The following TRPM5 variants were observed in gnomAD, a reference collection of about 807,000 sequenced individuals.
TRPM5 encodes the protein MLSN1 and TRP-related.
TRPM5 carries 121 observed loss-of-function variants against 124.9 expected under a neutral mutation model. The observed-to-expected ratio is 0.97, with a 90% CI of 0.84 to 1.13. The LOEUF is 1.13. Ranked by LOEUF, TRPM5 falls within the 50% of genes most tolerant of loss-of-function variation. The pLI is 0.00. For missense variants in TRPM5, 1,643 were observed against 1,589.1 expected (o/e 1.03, Z -0.58); for synonymous variants, 781 against 700.5 (o/e 1.11, Z -1.81).
the TRPM5 span, among the ~76,000 whole-genome samples, chr11:2,441,539 G>A: frequency 6.6e-6 from 1 of 152,026 alleles, no homozygotes; most frequent in African/African-American, 2.4e-5. This position sits in a 1 kb window ranked among gnomAD's most constrained non-coding sequence, Gnocchi z 7.2. Flanking sequence ...AGCTTGCAGG[G>A]AGCTTGAAGA....
In TRPM5 at chr11:2,417,738, G is replaced by A. The variant is rs777096016; in HGVS notation, c.998C>T (p.Ala333Val). 41 of 905,710 alleles carry A rather than the reference G, an allele frequency of 4.5e-5. No individual in the cohort carries two copies. The highest frequency in any genetic ancestry group is 1.2e-4 in the African/African-American group (7 of 57,450). 56.1% of individuals were successfully genotyped at this position (905,710 alleles called of 1,614,324 possible). Reference sequence around the variant, plus strand: ...CTGCCCGCCCTCACCTTTCACCAGCGCCTTCAGGATGACCGTGTCCAGCTC... The same window carrying A: ...CTGCCCGCCCTCACCTTTCACCAGCACCTTCAGGATGACCGTGTCCAGCTC... Residue 333 changes from alanine to valine, a missense_variant, in exon 7 of 24, where the codon GCG becomes GTG. Coordinates refer to ENST00000155858, the Ensembl canonical transcript of TRPM5.
intron 11 of TRPM5, 141 bp from the exon 17 acceptor site, chr11:2,414,347 G>A: frequency 8.2e-7 from 1 of 1,223,100 alleles, no homozygotes; most frequent in Non-Finnish European, 1.1e-6. Flanking sequence ...CAGGCCTTCT[G>A]CCCCCTCCGG....
chr11:2,404,691 T>C lies in TRPM5; in HGVS notation c.*246A>G, dbSNP rs914059839. ...TAGGGATGCGGTGGGGCACGTTTTC[T>C]GCCCGGGGAGTTGTGCCTGTCAGGG... On this transcript the variant is annotated 3_prime_UTR_variant, in exon 24 of 24. Coordinates refer to ENST00000155858, the Ensembl canonical transcript of TRPM5. 4 of 526,966 alleles carry C rather than the reference T, an allele frequency of 7.6e-6. No homozygotes were observed. The African/African-American group carries it at 7.7e-5, about 10-fold the overall frequency. The allele number at this position is 526,966 out of a possible 1,614,324, so 32.6% of individuals were successfully genotyped here.
chr11:2,414,880 C>G (rs756497343), intron 10 of TRPM5, 27 bp downstream of exon 15: 4 of 1,594,618 alleles, frequency 2.5e-6, no homozygotes, highest in Non-Finnish European at 3.4e-6. Flanking sequence ...CCCCTGCCCC[C>G]GCGCTGGGCC....
At chr11:2,422,827 G>T in intron 1 of TRPM5, 93 bp downstream of exon 6, 1 of 1,093,874 alleles carries the variant, frequency 9.1e-7, no homozygotes, top group Non-Finnish European at 1.4e-6. Context: ...GGGGTGAGGA[G>T]GACCCTGGCA....
chr11:2,409,145 TGA>T (rs1448426409), intron 18 of TRPM5, among the ~76,000 whole-genome samples: 1 of 152,068 alleles, frequency 6.6e-6, no homozygotes, highest in African/African-American at 2.4e-5. Flanking sequence ...GGCCCGTGTG[TGA>T]GTTATTGAGT....
chr11:2,436,129 G>A, the TRPM5 span, among the ~76,000 whole-genome samples: 222 of 152,306 alleles, frequency 1.5e-3, no homozygotes, highest in Non-Finnish European at 2.1e-3. Flanking sequence ...AATAAATCCC[G>A]GCAGGCTGGC....
At chr11:2,430,626 G>A in the TRPM5 span, among the ~76,000 whole-genome samples, 1 of 151,622 alleles carries the variant, frequency 6.6e-6, no homozygotes, top group African/African-American at 2.4e-5. Flanking sequence ...GATGTTGGTG[G>A]CAGTGATGAG....
chr11:2,404,941 G>T lies in TRPM5; in HGVS notation c.3494C>A (p.Thr1165Asn). 1 of 1,611,818 alleles carries T rather than the reference G, an allele frequency of 6.2e-7. No homozygotes were observed. The highest frequency in any genetic ancestry group is 8.5e-7 in the Non-Finnish European group (1 of 1,179,588). Reference sequence around the variant, plus strand: ...ACACGTGGCAGGCCAAGCAGCTCAGGTGTCCGAGGGAGGCTGGCCAGCCCC... The same window carrying T: ...ACACGTGGCAGGCCAAGCAGCTCAGTTGTCCGAGGGAGGCTGGCCAGCCCC... Residue 1165 changes from threonine to asparagine, a missense_variant, in exon 24 of 24, where the codon ACC (threonine) becomes AAC (asparagine). Coordinates refer to ENST00000155858, the Ensembl canonical transcript of TRPM5.
intron 18 of TRPM5, among the ~76,000 whole-genome samples, chr11:2,408,843 C>T (rs2133502609): frequency 6.6e-6 from 1 of 152,370 alleles, no homozygotes; most frequent in East Asian, 1.9e-4. Context: ...CTCTCTCCTC[C>T]CTCCCCAGCC....
intron 18 of TRPM5, among the ~76,000 whole-genome samples, chr11:2,408,918 A>G (rs952050271): frequency 2.0e-5 from 3 of 152,150 alleles, no homozygotes; most frequent in African/African-American, 7.2e-5. Flanking sequence ...ACACATGCTC[A>G]TGTGTGAGTC....
exon 9 of TRPM5, chr11:2,415,367 C>T (rs199917878): frequency 2.3e-5 from 36 of 1,588,820 alleles, no homozygotes; most frequent in East Asian, 9.0e-5. Flanking sequence ...GCCGCCCATA[C>T]GTCAGGAAGT....
At chr11:2,418,680 C>T in intron 4 of TRPM5, 89 bp from the exon 10 acceptor site, 2 of 1,354,964 alleles carry the variant, frequency 1.5e-6, no homozygotes, top group Non-Finnish European at 2.0e-6. Flanking sequence ...CATTTTCTGG[C>T]CAAAAGCTGG....
chr11:2,422,818 G>C (rs1845791112), intron 1 of TRPM5, 102 bp downstream of exon 6: 2 of 1,002,746 alleles, frequency 2.0e-6, no homozygotes, highest in Admixed American at 3.4e-5. Flanking sequence ...CAGACCCCAG[G>C]GGTGAGGAGG....
At chr11:2,419,635 A>C (rs1026611457) in intron 4 of TRPM5, among the ~76,000 whole-genome samples, 4 of 141,500 alleles carry the variant, frequency 2.8e-5, no homozygotes, top group Non-Finnish European at 4.7e-5. Flanking sequence ...AAAAAAAAAA[A>C]AAAAACAGAG....
intron 2 of TRPM5, among the ~76,000 whole-genome samples, 170 bp downstream of exon 7, chr11:2,421,971 T>C (rs1446327558): frequency 6.8e-6 from 1 of 147,520 alleles, no homozygotes; most frequent in Non-Finnish European, 1.5e-5. Flanking sequence ...AGTCAGGGGG[T>C]CTGGCTGCCG....
At chr11:2,423,315 G>T (rs886695918), upstream of TRPM5, among the ~76,000 whole-genome samples, 2 of 152,306 alleles carry the variant, frequency 1.3e-5, no homozygotes, top group South Asian at 4.1e-4. Flanking sequence ...GTGGGGCTCC[G>T]CTGTCAGCGC....
chr11:2,420,393 C>T (rs150225734), exon 4 of TRPM5: 3 of 1,608,928 alleles, frequency 1.9e-6, no homozygotes, highest in Non-Finnish European at 2.5e-6. Flanking sequence ...GGGTAGTGGA[C>T]AGGAAAATCC....
At chr11:2,413,538 G>A (rs1161331723) in exon 13 of TRPM5, 2 of 1,612,594 alleles carry the variant, frequency 1.2e-6, no homozygotes, top group Non-Finnish European at 1.7e-6. Flanking sequence ...GCAGCCGCAG[G>A]ATGGGCGTGC....
Sources: allele counts gnomAD v4.1 joint callset (sites outside exome capture counted in the v4.1 genomes callset), GRCh38; gene constraint gnomAD v4.1.1; non-coding constraint Gnocchi (gnomAD v3.1); transcripts MANE v1.5; gene names NCBI Gene and HGNC (gene_info 2026-07-23, HGNC 2026-07-21).